The following ESR1 variants were observed in gnomAD, a reference collection of about 807,000 sequenced individuals.
ESR1 encodes the protein estrogen receptor 1.
ESR1 carries 12 observed loss-of-function variants against 52.7 expected under a neutral mutation model. The observed-to-expected ratio is 0.23, with a 90% confidence interval of 0.15 to 0.37. The LOEUF (loss-of-function observed/expected upper bound fraction) is 0.37, where lower values mean the gene tolerates loss of function less well. ESR1 is among the 10% of genes least tolerant of loss of function. ESR1 has a pLI of 1.00. For missense variants in ESR1, 584 were observed against 779.7 expected (o/e 0.75, Z 2.99); for synonymous variants, 305 against 316.8 (o/e 0.96, Z 0.39).
intron 5 of ESR1, among the ~76,000 whole-genome samples, chr6:152,023,989 T>TATATTG (rs1475617852): frequency 6.6e-6 from 1 of 152,188 alleles, no homozygotes; most frequent in Non-Finnish European, 1.5e-5. Flanking sequence ...ATAATTGCAT[T>TATATTG]CACTTATATT....
At chr6:151,788,267 A>C (rs984166391) in intron 2 of ESR1, among the ~76,000 whole-genome samples, 5 of 152,222 alleles carry the variant, frequency 3.3e-5, no homozygotes, top group African/African-American at 1.2e-4. Flanking sequence ...CAAGAAAAAA[A>C]CAACCTCATT....
At chr6:151,669,951 C>T (rs1777990568) in intron 1 of ESR1, among the ~76,000 whole-genome samples, 1 of 152,074 alleles carries the variant, frequency 6.6e-6, no homozygotes, top group African/African-American at 2.4e-5. Flanking sequence ...AATTTAGATC[C>T]ACGACAAAAG....
chr6:151,836,390 T>A (rs1783336709), intron 1 of ESR1, among the ~76,000 whole-genome samples: 1 of 152,112 alleles, frequency 6.6e-6, no homozygotes, highest in Admixed American at 6.6e-5. Context: ...ATAGAGTGTG[T>A]GCAAGGGAAC....
intron 2 of ESR1, among the ~76,000 whole-genome samples, chr6:151,723,284 T>C (rs185483458): frequency 7.7e-4 from 117 of 152,238 alleles, no homozygotes; most frequent in Admixed American, 6.3e-3. Flanking sequence ...CAATCTACAC[T>C]ATTCTGGTGA....
chr6:151,799,321 T>C (rs1422246172), intron 2 of ESR1, among the ~76,000 whole-genome samples: 3 of 152,244 alleles, frequency 2.0e-5, no homozygotes, highest in Non-Finnish European at 4.4e-5. Context: ...CAACAACTTA[T>C]AAAGAAACAT....
At chr6:152,005,369 C>T (rs762988040) in intron 4 of ESR1, among the ~76,000 whole-genome samples, 9 of 151,786 alleles carry the variant, frequency 5.9e-5, no homozygotes, top group Non-Finnish European at 1.2e-4. Flanking sequence ...CCTTTTTATC[C>T]TTTTTATTAG....
At chr6:151,892,508 T>C (rs1794840342) in intron 3 of ESR1, among the ~76,000 whole-genome samples, 1 of 152,086 alleles carries the variant, frequency 6.6e-6, no homozygotes, top group Non-Finnish European at 1.5e-5. Context: ...TGGCCATATA[T>C]TGCTATAAAT....
At position 151,969,255 on chromosome 6, in the gene ESR1, A is replaced by G. The variant is rs1447346665; in HGVS notation, c.1096+24747A>G. 3.3e-4 allele frequency among the ~76,000 whole-genome samples: 50 copies of G among 152,164 alleles called. 2 individuals are homozygous for G. Among genetic ancestry groups the G allele is most frequent in the Admixed American group, 3.3e-3 (50 of 15,280 alleles). ...CCTACCATTGGTTTATTTTTAAAAA[A>G]TATTTTATATTTATGTAGATTTATG... is the stretch of plus-strand genomic sequence containing the variant. On this transcript the variant is annotated intron_variant, in intron 4 of 7. Coordinates refer to ENST00000206249, the MANE Select transcript of ESR1 (RefSeq NM_000125.4).
In ESR1 at chr6:151,723,580, C is replaced by T. The variant is rs540040704; in HGVS notation, c.-71+21575C>T. 3.3e-5 allele frequency among the ~76,000 whole-genome samples: 5 copies of T among 152,238 alleles called. No individual in the cohort carries two copies. In the South Asian group the frequency reaches 6.2e-4, roughly 19 times the overall value. ...GCTATATATCCATGTAACAAAACAG[C>T]GCTTGTGGCCGGATACAGTGGCTCA... is the stretch of plus-strand genomic sequence containing the variant. On this transcript the variant is annotated intron_variant, in intron 2 of 2. Coordinates refer to the ESR1 transcript ENST00000404742.
At chr6:151,987,878 TG>T (rs1320215837) in intron 4 of ESR1, among the ~76,000 whole-genome samples, 4 of 152,170 alleles carry the variant, frequency 2.6e-5, no homozygotes, top group African/African-American at 9.7e-5. Context: ...CTTTGTTACT[TG>T]TACTTTATAT....
At chr6:152,121,021 A>T (rs1176178201) in intron 6 of ESR1, among the ~76,000 whole-genome samples, 1 of 152,214 alleles carries the variant, frequency 6.6e-6, no homozygotes, top group African/African-American at 2.4e-5. Flanking sequence ...ACAGCAGCCA[A>T]CAAGCTCCGG....
Position 152,085,249 on chromosome 6 carries a change from G to A in ESR1, c.1370-9136G>A, listed in dbSNP as rs11966777. Among the ~76,000 whole-genome samples, 1,512 of 152,148 alleles carry A rather than the reference G, an allele frequency of 9.9e-3. 27 individuals are homozygous for A. Among genetic ancestry groups the A allele is most frequent in the African/African-American group, 0.035 (1,451 of 41,460 alleles). On this transcript the variant is annotated intron_variant, in intron 6 of 7. Coordinates refer to ENST00000206249, the MANE Select transcript of ESR1 (RefSeq NM_000125.4). ...GCGCAGGAGTTTGAGGCTGCAGTGA[G>A]CCATGACCACACCACTGTACTCCAC...
intron 6 of ESR1, among the ~76,000 whole-genome samples, chr6:152,123,285 C>T (rs982904349): frequency 1.3e-5 from 2 of 152,134 alleles, no homozygotes; most frequent in Non-Finnish European, 2.9e-5. Context: ...CAAAGCTGTA[C>T]GAACAAGGAA....
intron 1 of ESR1, among the ~76,000 whole-genome samples, chr6:151,677,858 T>C (rs1778304567): frequency 6.6e-6 from 1 of 152,240 alleles, no homozygotes; most frequent in Non-Finnish European, 1.5e-5. Flanking sequence ...GTTTCAGATT[T>C]ATTTTCTCAA....
At chr6:151,697,303 A>C (rs1308000845) in intron 1 of ESR1, among the ~76,000 whole-genome samples, 1 of 152,254 alleles carries the variant, frequency 6.6e-6, no homozygotes, top group Non-Finnish European at 1.5e-5. Flanking sequence ...ATTTTGTTTC[A>C]GAAATGATTG....
Position 152,098,134 on chromosome 6 carries a change from G to A in ESR1, c.1554-598G>A, listed in dbSNP as rs2050774447. Among the ~76,000 whole-genome samples the A allele has an allele frequency of 6.6e-6, 1 of 152,134 alleles. No individual in the cohort carries two copies. Among genetic ancestry groups the A allele is most frequent in the Non-Finnish European group, 1.5e-5 (1 of 68,026 alleles). On this transcript the variant is annotated intron_variant, in intron 7 of 7. Transcript: ENST00000206249. This position sits in a 1 kb window ranked among gnomAD's most constrained non-coding sequence, Gnocchi z 5.1. Reference sequence around the variant, plus strand: ...TCCTTTAAGGGCAGCACAAAAATCAGTGTGGCTCCGGAGAGCACATTAGGG... The same window carrying A: ...TCCTTTAAGGGCAGCACAAAAATCAATGTGGCTCCGGAGAGCACATTAGGG...
At chr6:151,750,072 C>T (rs1300226321) in intron 2 of ESR1, among the ~76,000 whole-genome samples, 1 of 152,106 alleles carries the variant, frequency 6.6e-6, no homozygotes, top group Non-Finnish European at 1.5e-5. Flanking sequence ...CACTTAGATA[C>T]ATTTCATATT....
chr6:151,962,927 A>G (rs1173745642), intron 4 of ESR1, among the ~76,000 whole-genome samples: 3 of 152,316 alleles, frequency 2.0e-5, no homozygotes, highest in East Asian at 3.9e-4. Context: ...ATAAATATAT[A>G]TAAAATGAAT....
intron 2 of ESR1, among the ~76,000 whole-genome samples, chr6:151,709,738 GATT>G (rs957449173): frequency 2.0e-5 from 3 of 150,834 alleles, no homozygotes; most frequent in African/African-American, 7.3e-5. Flanking sequence ...TTTTTCTATA[GATT>G]TTTTTTTTTT....
Sources: gnomAD v4.1 joint callset for allele counts (sites outside exome capture counted in the v4.1 genomes callset) on GRCh38, gnomAD v4.1.1 for gene constraint, Gnocchi (gnomAD v3.1) non-coding constraint, MANE v1.5 for transcripts, NCBI Gene and HGNC (gene_info 2026-07-23, HGNC 2026-07-21) for gene names.